The following DNAJC6 variants were observed in gnomAD, a reference collection of about 807,000 sequenced individuals.
The protein encoded by DNAJC6 is DnaJ heat shock protein family (Hsp40) member C6, also known as auxilin.
A neutral mutation model predicts 110.0 loss-of-function variants in DNAJC6; 34 were observed. The ratio of observed to expected loss-of-function variants is 0.31; its 90% confidence interval spans 0.24 to 0.41. The LOEUF (loss-of-function observed/expected upper bound fraction) is 0.41. DNAJC6 is among the 10% of genes least tolerant of loss of function. The pLI is 1.00. For missense variants in DNAJC6, 1,031 were observed against 1,207.8 expected, an observed-to-expected ratio of 0.85 and a Z score of 2.17; for synonymous variants, 406 against 437.2, an observed-to-expected ratio of 0.93 and a Z score of 0.89.
At position 65,389,344 on chromosome 1, in the gene DNAJC6, G is replaced by A. The variant is rs775892105; in HGVS notation, c.1282G>A (p.Val428Ile). The A allele has an allele frequency of 6.2e-7, 1 of 1,614,154 alleles. No individual in the cohort carries two copies. Among genetic ancestry groups the A allele is most frequent in the South Asian group, 1.1e-5 (1 of 91,086 alleles). The change falls in exon 10 of 19, where the codon GTA (valine) becomes ATA (isoleucine). Residue 428 changes from valine (V) to isoleucine (I), a missense_variant. Physicochemically the swap from Val to Ile is conservative, Grantham distance 29. Coordinates refer to ENST00000371069, the MANE Select transcript of DNAJC6 (RefSeq NM_001256864.2). The part of the protein sequence containing the change: ...LDVELQPHDK[V>I]IDLTPPWEHY... ...TGTAGAACTACAGCCCCATGACAAA[G>A]TAATAGACTTAACTCCACCATGGGA...
intron 1 of DNAJC6, among the ~76,000 whole-genome samples, chr1:65,332,276 G>A (rs548142682): frequency 9.3e-4 from 141 of 152,296 alleles, no homozygotes; most frequent in Non-Finnish European, 1.4e-3. Context: ...ACTACAGGAA[G>A]GGGCAATGGA....
In DNAJC6 at chr1:65,389,638, G is replaced by A; in HGVS notation, c.1468+11G>A. ...CTCTCTGTTGGCAAGGTATTTACAA[G>A]TGTTTCTTTAAGTCACATGGTTTGA... On this transcript the variant is annotated intron_variant, in intron 11 of 18. Coordinates refer to ENST00000371069, the MANE Select transcript of DNAJC6 (RefSeq NM_001256864.2). 1 of 1,613,464 alleles carries A rather than the reference G, an allele frequency of 6.2e-7. No individual in the cohort carries two copies. The highest frequency in any genetic ancestry group is 8.5e-7 in the Non-Finnish European group (1 of 1,179,416).
chr1:65,294,790 A>G (rs1435494992), intron 1 of DNAJC6, among the ~76,000 whole-genome samples: 1 of 152,236 alleles, frequency 6.6e-6, no homozygotes, highest in African/African-American at 2.4e-5. Flanking sequence ...AAAATATTAC[A>G]CATATGGCTC....
chr1:65,354,500 A>G (rs745573875), intron 1 of DNAJC6, among the ~76,000 whole-genome samples: 1 of 152,238 alleles, frequency 6.6e-6, no homozygotes, highest in Non-Finnish European at 1.5e-5. Context: ...ATAGTGTTAA[A>G]GAATTTTAAA....
At chr1:65,341,229 A>G (rs1396136034) in intron 1 of DNAJC6, among the ~76,000 whole-genome samples, 3 of 152,170 alleles carry the variant, frequency 2.0e-5, no homozygotes, top group Non-Finnish European at 4.4e-5. Context: ...CCTTCTTCCA[A>G]TCTATAAGCT....
At chr1:65,384,076 C>G in intron 5 of DNAJC6, 117 bp from the exon 6 acceptor site, 1 of 1,241,418 alleles carries the variant, frequency 8.1e-7, no homozygotes, top group Non-Finnish European at 1.0e-6. Context: ...ATGAAAAGCA[C>G]CCACAGTTAA....
At chr1:65,329,921 TTTCCCTTGGTGCAACATACA>T (rs1297888490) in intron 1 of DNAJC6, among the ~76,000 whole-genome samples, 1 of 152,240 alleles carries the variant, frequency 6.6e-6, no homozygotes, top group African/African-American at 2.4e-5. Context: ...CTTGTAGTTC[TTTCCCTTGGTGCAACATACA>T]TTCTTTTGAA....
In DNAJC6 at chr1:65,412,965, C is replaced by T. The variant is rs753180842; in HGVS notation, c.2853C>T (p.Phe951=). 6.2e-7 allele frequency: 1 copy of T among 1,614,088 alleles called. No homozygotes were observed. Among genetic ancestry groups the T allele is most frequent in the Non-Finnish European group, 8.5e-7 (1 of 1,179,988 alleles). ...ATGAACAATACGCAAAGATGATTTT[C>T]ATGGAGCTCAATGATGCCTGGTCTG... ...QPYEQYAKMI[F]MELNDAWSEF... Residue 951 remains phenylalanine (F), a synonymous_variant, in exon 19 of 19, where the codon TTC becomes TTT. Transcript: ENST00000371069.
chr1:65,351,847 C>T (rs192201341), intron 1 of DNAJC6, among the ~76,000 whole-genome samples: 8 of 152,054 alleles, frequency 5.3e-5, no homozygotes, highest in Non-Finnish European at 1.2e-4. Context: ...CTCAATGCAA[C>T]CTCTGCCTTC....
intron 11 of DNAJC6, among the ~76,000 whole-genome samples, chr1:65,391,460 GT>G (rs1645924706): frequency 6.6e-6 from 1 of 152,112 alleles, no homozygotes; most frequent in Non-Finnish European, 1.5e-5. Flanking sequence ...TGCTCATTTT[GT>G]GCTGAAAGTA....
At chr1:65,374,817 T>C (rs1170390912) in intron 4 of DNAJC6, among the ~76,000 whole-genome samples, 1 of 152,162 alleles carries the variant, frequency 6.6e-6, no homozygotes, top group African/African-American at 2.4e-5. Flanking sequence ...CAGTATTATG[T>C]TGAATAATAG....
intron 1 of DNAJC6, among the ~76,000 whole-genome samples, chr1:65,272,603 A>G (rs1653540472): frequency 6.6e-6 from 1 of 152,184 alleles, no homozygotes; most frequent in South Asian, 2.1e-4. Context: ...GTGAGATTAG[A>G]ATTATTCTTT....
chr1:65,266,116 G>A (rs925310351), intron 1 of DNAJC6, among the ~76,000 whole-genome samples: 2 of 152,244 alleles, frequency 1.3e-5, no homozygotes, highest in African/African-American at 4.8e-5. Context: ...AGTTCTTTGG[G>A]TGAGACGTGC....
intron 1 of DNAJC6, among the ~76,000 whole-genome samples, chr1:65,333,662 A>G (rs896720355): frequency 3.3e-5 from 5 of 151,846 alleles, no homozygotes; most frequent in Non-Finnish European, 5.9e-5. Context: ...TAGAACAATG[A>G]CTTAGGATTT....
At chr1:65,373,965 T>C (rs1245462448) in intron 4 of DNAJC6, among the ~76,000 whole-genome samples, 1 of 152,150 alleles carries the variant, frequency 6.6e-6, no homozygotes, top group African/African-American at 2.4e-5. Context: ...TATATATAGT[T>C]AGAGATATAG....
At chr1:65,318,011 G>A (rs1645163438) in intron 1 of DNAJC6, among the ~76,000 whole-genome samples, 2 of 152,174 alleles carry the variant, frequency 1.3e-5, no homozygotes, top group African/African-American at 4.8e-5. Context: ...TGAAGCTGGA[G>A]CCCAGATGGG....
intron 6 of DNAJC6, 135 bp downstream of exon 6, chr1:65,384,461 T>C (rs1645851617): frequency 2.3e-6 from 2 of 867,982 alleles, no homozygotes; most frequent in Non-Finnish European, 3.1e-6. Flanking sequence ...AATATTGCTA[T>C]GAAGAACTAC....
chr1:65,359,851 A>T (rs1307114139), intron 1 of DNAJC6, among the ~76,000 whole-genome samples: 2 of 152,226 alleles, frequency 1.3e-5, no homozygotes, highest in Non-Finnish European at 2.9e-5. Context: ...ACATAAGGGT[A>T]CTTTACTTCT....
intron 4 of DNAJC6, among the ~76,000 whole-genome samples, chr1:65,378,286 A>G (rs1378312511): frequency 3.9e-5 from 6 of 152,160 alleles, no homozygotes; most frequent in Admixed American, 3.9e-4. Context: ...TCTCCTCCTT[A>G]ACAAGACTGT....
Sources: gnomAD v4.1 joint callset for allele counts (sites outside exome capture counted in the v4.1 genomes callset) on GRCh38, gnomAD v4.1.1 for gene constraint, MANE v1.5 for transcripts, NCBI Gene and HGNC (gene_info 2026-07-23, HGNC 2026-07-21) for gene names.